OR7C1: variants seen among roughly 807,000 people sequenced by gnomAD.
OR7C1 encodes the protein olfactory receptor 7C1.
For missense variants in OR7C1, 324 were observed against 383.3 expected (o/e 0.85, Z 1.29); for synonymous variants, 152 against 160.7 (o/e 0.95, Z 0.41).
chr19:14,808,337 A>G (rs539192924), intron 2 of OR7C1, among the ~76,000 whole-genome samples: 2 of 152,138 alleles, frequency 1.3e-5, no homozygotes, highest in East Asian at 1.9e-4. Flanking sequence ...TCACAGCACT[A>G]TTCACAATAG....
At position 14,811,624 on chromosome 19, in the gene OR7C1, A is replaced by G. The variant is rs569994597; in HGVS notation, c.-622-1631T>C. Among the ~76,000 whole-genome samples, 4 of 152,040 alleles carry G rather than the reference A, an allele frequency of 2.6e-5. No individual in the cohort carries two copies. In the South Asian group the frequency reaches 8.3e-4, roughly 32 times the overall value. ...AACTCACCAAACTTACTGTGCTCAAATAAAGCCTTTTTACAAAGAGGCTGT... is the reference window on the plus strand; with the variant it reads ...AACTCACCAAACTTACTGTGCTCAAGTAAAGCCTTTTTACAAAGAGGCTGT... On this transcript the variant is annotated intron_variant, in intron 1 of 4. Coordinates refer to ENST00000641666, the Ensembl canonical transcript of OR7C1.
chr19:14,815,864 C>G (rs151027099), intron 1 of OR7C1, among the ~76,000 whole-genome samples: 1 of 151,660 alleles, frequency 6.6e-6, no homozygotes, highest in East Asian at 1.9e-4. Context: ...CTCTGTTGCC[C>G]AGGCAGGCGT....
In OR7C1 at chr19:14,834,339, G is replaced by A. The variant is rs916391198; in HGVS notation, c.-623+735C>T. ...ACCAGGAAGCCAGCAGATATTCCTC[G>A]CCACAGTGTTTCTCAATCTCAGCAC... On this transcript the variant is annotated intron_variant, in intron 1 of 4. Coordinates refer to ENST00000641666, the Ensembl canonical transcript of OR7C1. 2.6e-5 allele frequency among the ~76,000 whole-genome samples: 4 copies of A among 152,210 alleles called. No homozygotes were observed. The South Asian group carries it at 6.2e-4, about 24-fold the overall frequency.
intron 1 of OR7C1, among the ~76,000 whole-genome samples, chr19:14,815,784 CGTGTGTGTGTGTGT>C (rs34655691): frequency 2.0e-5 from 3 of 146,626 alleles, no homozygotes; most frequent in Non-Finnish European, 4.5e-5. Flanking sequence ...TGAGTTTGTG[CGTGTGTGTGTGTGT>C]GTGTGTGTGT....
intron 1 of OR7C1, among the ~76,000 whole-genome samples, chr19:14,821,193 G>A (rs1358333688): frequency 5.9e-5 from 9 of 152,138 alleles, no homozygotes; most frequent in Non-Finnish European, 1.0e-4. Flanking sequence ...AGCTGAGATC[G>A]CGCCATTGCA....
At chr19:14,834,563 G>T (rs796571277) in intron 1 of OR7C1, among the ~76,000 whole-genome samples, 6 of 152,232 alleles carry the variant, frequency 3.9e-5, no homozygotes, top group Middle Eastern at 3.4e-3. Context: ...AATACCTAGC[G>T]TAAGAGAAAA....
intron 1 of OR7C1, chr19:14,827,155 C>G: frequency 1.1e-6 from 1 of 944,020 alleles, no homozygotes; most frequent in Non-Finnish European, 1.5e-6. Flanking sequence ...TTCTACAAGA[C>G]CAGTTGAAAT....
intron 1 of OR7C1, among the ~76,000 whole-genome samples, chr19:14,810,311 G>A (rs141050203): frequency 0.011 from 1,716 of 151,734 alleles, 20 homozygotes; most frequent in Non-Finnish European, 0.019. Context: ...AGGGACACTC[G>A]GTTTCCAGTG....
intron 1 of OR7C1, among the ~76,000 whole-genome samples, chr19:14,815,288 G>T (rs912706188): frequency 6.6e-6 from 1 of 152,200 alleles, no homozygotes; most frequent in African/African-American, 2.4e-5. Flanking sequence ...GAGGGATAGG[G>T]TCTACTTGTA....
intron 2 of OR7C1, among the ~76,000 whole-genome samples, chr19:14,805,772 T>C (rs1338640652): frequency 6.6e-6 from 1 of 151,992 alleles, no homozygotes. Context: ...CATTGGGTTT[T>C]CTTTTTCTAC....
intron 1 of OR7C1, chr19:14,828,145 A>G (rs547840987): frequency 1.2e-6 from 2 of 1,614,166 alleles, no homozygotes; most frequent in South Asian, 2.2e-5. Context: ...AGGTACATGG[A>G]CAGGAACAGC....
At chr19:14,827,250 A>G in intron 1 of OR7C1, 1 of 1,499,900 alleles carries the variant, frequency 6.7e-7, no homozygotes, top group Non-Finnish European at 8.9e-7. Context: ...GAAGAATGAC[A>G]GTTACTACCT....
At chr19:14,831,185 T>C (rs972249051) in intron 1 of OR7C1, among the ~76,000 whole-genome samples, 1 of 152,168 alleles carries the variant, frequency 6.6e-6, no homozygotes, top group African/African-American at 2.4e-5. Context: ...AATGATACCT[T>C]TTTTGGCAAC....
chr19:14,799,239 C>A, exon 5 of OR7C1: 2 of 1,614,126 alleles, frequency 1.2e-6, no homozygotes. Context: ...CTCCCCAGGG[C>A]CCTCTTCATG....
exon 5 of OR7C1, chr19:14,798,921 C>T: frequency 5.6e-6 from 2 of 355,576 alleles, no homozygotes; most frequent in Non-Finnish European, 1.0e-5. Context: ...GCTTGCTTAT[C>T]TATGTCTGCA....
At chr19:14,833,316 C>G (rs2145087841) in intron 1 of OR7C1, among the ~76,000 whole-genome samples, 1 of 152,226 alleles carries the variant, frequency 6.6e-6, no homozygotes, top group South Asian at 2.1e-4. Flanking sequence ...CCATCTCTAC[C>G]AAAAATACAA....
At chr19:14,812,901 T>C (rs1304900283) in intron 1 of OR7C1, among the ~76,000 whole-genome samples, 1 of 151,592 alleles carries the variant, frequency 6.6e-6, no homozygotes, top group Non-Finnish European at 1.5e-5. Context: ...CCATCTCTAC[T>C]AAATATACAA....
chr19:14,806,634 G>T (rs1392370738), intron 2 of OR7C1, among the ~76,000 whole-genome samples: 1 of 151,974 alleles, frequency 6.6e-6, no homozygotes, highest in African/African-American at 2.4e-5. Flanking sequence ...AACATGAGGT[G>T]TTTGGTTTTC....
intron 1 of OR7C1, chr19:14,827,397 G>A: frequency 6.2e-6 from 10 of 1,613,972 alleles, no homozygotes; most frequent in Non-Finnish European, 6.8e-6. Context: ...CAGCATGGGG[G>A]TGACCACAGT....
Sources: gnomAD v4.1 joint callset for allele counts (sites outside exome capture counted in the v4.1 genomes callset) on GRCh38, gnomAD v4.1.1 for gene constraint, MANE v1.5 for transcripts, NCBI Gene and HGNC (gene_info 2026-07-23, HGNC 2026-07-21) for gene names.